ERI2: variants seen among roughly 807,000 people sequenced by gnomAD.
The protein encoded by ERI2 is ERI1 exoribonuclease 2.
ERI2 carries 35 observed loss-of-function variants against 46.8 expected under a neutral mutation model. The observed-to-expected ratio is 0.75, with a 90% CI of 0.57 to 0.99. The LOEUF (loss-of-function observed/expected upper bound fraction) is 0.99, where lower values mean the gene tolerates loss of function less well. Among genes scored for constraint, ERI2 ranks in the 50% least tolerant of loss-of-function variants. ERI2 has a pLI of 0.00. For missense variants in ERI2, 695 were observed against 796.2 expected (o/e 0.87, Z 1.53); for synonymous variants, 224 against 271.0 (o/e 0.83, Z 1.70).
Position 20,797,199 on chromosome 16 carries a change from A to G in ERI2, c.*525T>C. On this transcript the variant is annotated 3_prime_UTR_variant, in exon 9 of 9. Coordinates refer to ENST00000357967, the MANE Select transcript of ERI2 (RefSeq NM_001142725.2). ...CCTATCATTTCTTAATATAAAAATA[A>G]TACCATCAATTGCTGATTAATTTTT... 1 of 1,248,142 alleles carries G rather than the reference A, an allele frequency of 8.0e-7. No individual in the cohort carries two copies. Among genetic ancestry groups the G allele is most frequent in the Non-Finnish European group, 1.0e-6 (1 of 995,516 alleles). 77.3% of individuals were successfully genotyped at this position (1,248,142 alleles called of 1,614,324 possible).
chr16:20,806,180 G>A (rs1325898112), intron 1 of ERI2: 3 of 1,395,588 alleles, frequency 2.1e-6, no homozygotes, highest in Non-Finnish European at 2.8e-6. Context: ...CCCAGGGTTC[G>A]TCCGCCTCGG....
At chr16:20,796,046 T>C (rs1250705586), downstream of ERI2, 1 of 205,588 alleles carries the variant, frequency 4.9e-6, no homozygotes, top group Non-Finnish European at 9.6e-6. Flanking sequence ...TTCACAGCCT[T>C]GTATAAAGAC....
At chr16:20,793,796 G>A (rs899357188), downstream of ERI2, among the ~76,000 whole-genome samples, 2 of 152,204 alleles carry the variant, frequency 1.3e-5, no homozygotes, top group Non-Finnish European at 2.9e-5. Flanking sequence ...ACGAGTCTTA[G>A]CTCTTCCTGT....
intron 10 of ERI2, among the ~76,000 whole-genome samples, chr16:20,788,885 G>T (rs2080532356): frequency 6.6e-6 from 1 of 152,060 alleles, no homozygotes; most frequent in Non-Finnish European, 1.5e-5. Flanking sequence ...TTATTTGCAA[G>T]AGCTTAAAGA....
rs1171019704 is a variant in ERI2, at chr16:20,798,940, A to G, written c.860T>C (p.Ile287Thr). ...CATTTGAACTTTTTCATGAGGATTT[A>G]TTATATTTTTAGGCTCCTTATTATA... Reference protein sequence around the residue: ...SIYNKEPKNIINPHEKVQMKS... With the variant: ...SIYNKEPKNITNPHEKVQMKS... The change falls in exon 9 of 9, where the codon ATA becomes ACA. Residue 287 changes from isoleucine (I) to threonine (T), a missense_variant. Transcript: ENST00000357967. 2.0e-5 allele frequency: 31 copies of G among 1,550,980 alleles called. No individual in the cohort carries two copies. Among genetic ancestry groups the G allele is most frequent in the Non-Finnish European group, 2.7e-5 (31 of 1,146,806 alleles).
chr16:20,799,343 C>T lies in ERI2; in HGVS notation c.652G>A (p.Asp218Asn), dbSNP rs139299293. The T allele has an allele frequency of 7.4e-4, 1,201 of 1,613,498 alleles. No homozygotes were observed. The highest frequency in any genetic ancestry group is 1.1e-3 in the South Asian group (97 of 91,042). ...FSGREHSGLD[D>N]SRNTALLAWK... ...GCAAGAAGGGCAGTATTCCGAGAAT[C>T]GTCCAACCCTGAGGATACAGATATC... Residue 218 changes from aspartate to asparagine, a missense_variant, in exon 8 of 9, where the codon GAT (aspartate) becomes AAT (asparagine). Transcript: ENST00000357967.
chr16:20,802,123 CT>C, intron 4 of ERI2, among the ~76,000 whole-genome samples: 1 of 149,414 alleles, frequency 6.7e-6, no homozygotes. Context: ...GGGCAGATCA[CT>C]TGAGGTCAGG....
downstream of ERI2, among the ~76,000 whole-genome samples, chr16:20,794,745 C>T (rs2080683331): frequency 6.6e-6 from 1 of 152,194 alleles, no homozygotes. Context: ...ATTTAATCAT[C>T]ATAATCTCTT....
In ERI2 at chr16:20,797,822, G is replaced by A. The variant is rs763155684; in HGVS notation, c.1978C>T (p.Leu660Phe). ...SMVPSHSTGGLTFSSPETSHI... is the reference protein window; with the variant it reads ...SMVPSHSTGGFTFSSPETSHI... ...CTTGTTTCTGGAGAACTAAAAGTGA[G>A]TCCCCCTGTGGAATGAGATGGAACC... The change falls in exon 9 of 9, where the codon CTC (leucine) becomes TTC (phenylalanine). Residue 660 changes from leucine to phenylalanine, a missense_variant. Transcript: ENST00000357967. 6.4e-7 allele frequency: 1 copy of A among 1,551,466 alleles called. No homozygotes were observed.
chr16:20,781,277 G>T, intron 10 of ERI2: 1 of 1,007,596 alleles, frequency 9.9e-7, no homozygotes. Context: ...AGCCTGAAAA[G>T]ATACACTCGG....
chr16:20,796,164 G>A (rs1309808314), downstream of ERI2: 2 of 765,778 alleles, frequency 2.6e-6, no homozygotes, highest in African/African-American at 1.8e-5. Flanking sequence ...ATGAGGCTGG[G>A]TTGTTACAGG....
rs2080767677 is a variant in ERI2 at position 20,799,071 on chromosome 16, T to C, written c.733-4A>G. On this transcript the variant is annotated splice_region_variant and splice_polypyrimidine_tract_variant and intron_variant, in intron 8 of 8. Transcript: ENST00000357967. Reference sequence around the variant, plus strand: ...TGAAATTCTTCTTAGTGGGAACCTATGATTCCACAGACAAATGCAACAGCT... The same window carrying C: ...TGAAATTCTTCTTAGTGGGAACCTACGATTCCACAGACAAATGCAACAGCT... The C allele has an allele frequency of 6.7e-7, 1 of 1,497,814 alleles. No individual in the cohort carries two copies. The highest frequency in any genetic ancestry group is 8.9e-7 in the Non-Finnish European group (1 of 1,127,814). The allele number at this position is 1,497,814 out of a possible 1,614,324, so 92.8% of individuals were successfully genotyped here.
intron 1 of ERI2, chr16:20,806,148 C>T: frequency 7.3e-7 from 1 of 1,367,090 alleles, no homozygotes; most frequent in Non-Finnish European, 9.4e-7. Flanking sequence ...CAGGCACTGG[C>T]TCAAGGCCAC....
rs34381224 is a variant in ERI2 at position 20,790,685 on chromosome 16, C to G, written c.815+165G>C. On this transcript the variant is annotated intron_variant, in intron 9 of 10. Transcript: ENST00000300005. The surrounding 1 kb of genome is among the most constrained non-coding windows in gnomAD (Gnocchi z 4.0). ...GACCATTTGGCCTTTTTACTCATTA[C>G]GTAGTAAGTGACTTACTAAATAATC... The G allele has an allele frequency of 8.8e-3, 14,240 of 1,613,518 alleles. 70 individuals carry two copies. The highest frequency in any genetic ancestry group is 0.011 in the Non-Finnish European group (12,422 of 1,179,482).
Position 20,798,755 on chromosome 16 carries a change from A to C in ERI2, c.1045T>G (p.Ser349Ala). Reference sequence around the variant, plus strand: ...CCTTGCTTTTGCATATAGATAGGTGAATTCAAGGTAGGAGACTGCAACTGC... The same window carrying C: ...CCTTGCTTTTGCATATAGATAGGTGCATTCAAGGTAGGAGACTGCAACTGC... Reference protein sequence around the residue: ...VGQLQSPTLNSPIYMQKQGKN... With the variant: ...VGQLQSPTLNAPIYMQKQGKN... The change falls in exon 9 of 9, where the codon TCA (serine) becomes GCA (alanine). Residue 349 changes from serine (S) to alanine (A), a missense_variant. By Grantham distance (99) the Ser-to-Ala change is moderately conservative. Coordinates refer to ENST00000357967, the MANE Select transcript of ERI2 (RefSeq NM_001142725.2). 6.4e-7 allele frequency: 1 copy of C among 1,551,626 alleles called. No homozygotes were observed. Among genetic ancestry groups the C allele is most frequent in the Non-Finnish European group, 8.7e-7 (1 of 1,146,918 alleles).
chr16:20,793,147 C>G (rs1440472500), downstream of ERI2, among the ~76,000 whole-genome samples: 1 of 152,120 alleles, frequency 6.6e-6, no homozygotes. Flanking sequence ...TAGAAGGTAT[C>G]CAATCTCAGG....
chr16:20,799,420 A>G lies in ERI2; in HGVS notation c.644-69T>C, dbSNP rs2152494971. On this transcript the variant is annotated intron_variant, in intron 7 of 8. Coordinates refer to ENST00000357967, the MANE Select transcript of ERI2 (RefSeq NM_001142725.2). ...CTATTTCCTTAGTACTAAAGAAATA[A>G]CTTAAAAAGAAAAACACCACTTGTG... is the stretch of plus-strand genomic sequence containing the variant. The G allele has an allele frequency of 2.8e-6, 4 of 1,422,174 alleles. 1 individual carries two copies. The South Asian group carries it at 3.9e-5, about 14-fold the overall frequency. The allele number at this position is 1,422,174 out of a possible 1,614,324, so 88.1% of individuals were successfully genotyped here. A position where few individuals can be genotyped will look rare whatever the true frequency, so the allele number is the denominator to read the frequency against.
intron 5 of ERI2, 42 bp from the exon 6 acceptor site, chr16:20,800,444 AGCATTTTTTACTTAT>A: frequency 8.0e-7 from 1 of 1,243,192 alleles, no homozygotes; most frequent in Non-Finnish European, 1.2e-6. Flanking sequence ...CAATGATGCC[AGCATTTTTTACTTAT>A]GCTGCCACCA....
chr16:20,784,967 T>C lies in ERI2; in HGVS notation c.895-4233A>G, dbSNP rs8058407. On this transcript the variant is annotated intron_variant, in intron 10 of 10. Coordinates refer to the ERI2 transcript ENST00000300005. ...CATTTTTCCTCCTAAATCTAACTTA[T>C]CTGGTTTTCTGAGAAGCTATAAGTT... 888 of 1,603,916 alleles carry C rather than the reference T, an allele frequency of 5.5e-4. 6 individuals are homozygous for C. The African/African-American group carries it at 0.011, about 20-fold the overall frequency.
Sources: allele counts gnomAD v4.1 joint callset (sites outside exome capture counted in the v4.1 genomes callset), GRCh38; gene constraint gnomAD v4.1.1; non-coding constraint Gnocchi (gnomAD v3.1); transcripts MANE v1.5; gene names NCBI Gene and HGNC (gene_info 2026-07-23, HGNC 2026-07-21).